Variants in AK9 observed in about 807,000 individuals in gnomAD.
AK9 encodes the protein adenylate kinase domain containing 1.
In AK9, 191 loss-of-function variants were observed where a neutral mutation model predicts 239.6. The observed-to-expected ratio is 0.80, with a 90% confidence interval of 0.71 to 0.90. AK9 has a LOEUF of 0.90. AK9 is among the 40% of genes least tolerant of loss of function. The pLI is 0.00. For missense variants in AK9, 1,995 were observed against 2,214.7 expected (o/e 0.90, Z 1.99); for synonymous variants, 689 against 721.0 (o/e 0.96, Z 0.71).
intron 7 of AK9, among the ~76,000 whole-genome samples, chr6:109,658,772 T>G (rs183531619): frequency 2.0e-5 from 3 of 152,272 alleles, no homozygotes; most frequent in Non-Finnish European, 4.4e-5. Context: ...ATTATTCAAA[T>G]GACTTTCACT....
chr6:109,547,899 G>C (rs1488053001), intron 25 of AK9, among the ~76,000 whole-genome samples: 3 of 135,490 alleles, frequency 2.2e-5, no homozygotes, highest in African/African-American at 8.7e-5. Flanking sequence ...GGGGAAAAAA[G>C]ACCTGAACAG....
chr6:109,528,087 A>G (rs2128129293), intron 29 of AK9: 1 of 174,836 alleles, frequency 5.7e-6, no homozygotes, highest in Admixed American at 5.6e-5. Context: ...ACTGGAGAGC[A>G]GTGAACAAAG....
chr6:109,524,478 C>T (rs1002097790), intron 29 of AK9, among the ~76,000 whole-genome samples: 3 of 152,030 alleles, frequency 2.0e-5, no homozygotes, highest in African/African-American at 7.2e-5. Context: ...TTAGTGAACT[C>T]CAAACTAAAT....
At chr6:109,559,928 T>C (rs1785531762) in intron 24 of AK9, among the ~76,000 whole-genome samples, 1 of 152,194 alleles carries the variant, frequency 6.6e-6, no homozygotes, top group Admixed American at 6.5e-5. Context: ...CCATTCCTGC[T>C]TCTCCACTTC....
At chr6:109,579,089 T>TAAAAG (rs3060792) in intron 20 of AK9, among the ~76,000 whole-genome samples, 87,935 of 151,462 alleles carry the variant, frequency 0.58, 27,170 homozygotes, top group South Asian at 0.84. Flanking sequence ...ACTCCAATCT[T>TAAAAG]AAACTGTTAC....
chr6:109,590,488 T>G (rs1201158934), intron 17 of AK9, among the ~76,000 whole-genome samples: 4 of 152,198 alleles, frequency 2.6e-5, no homozygotes, highest in African/African-American at 7.2e-5. Flanking sequence ...TCAATTTTGC[T>G]TATTTTTTCA....
rs116065536 is a variant in AK9, at chr6:109,519,405, A to G, written c.3634-2763T>C. On this transcript the variant is annotated intron_variant, in intron 29 of 40. Transcript: ENST00000424296. ...GAGAAATCTTCAAACTGCCTTCCACAGTGGCTCAGCTAATTTACATTCCCC... is the reference window on the plus strand; with the variant it reads ...GAGAAATCTTCAAACTGCCTTCCACGGTGGCTCAGCTAATTTACATTCCCC... 6.8e-3 allele frequency among the ~76,000 whole-genome samples: 1,043 copies of G among 152,320 alleles called. 13 individuals are homozygous for G. The highest frequency in any genetic ancestry group is 0.024 in the African/African-American group (1,009 of 41,566).
At chr6:109,530,463 A>G (rs1781081070) in intron 28 of AK9, among the ~76,000 whole-genome samples, 2 of 152,210 alleles carry the variant, frequency 1.3e-5, no homozygotes, top group African/African-American at 2.4e-5. Flanking sequence ...TTATAAAAAC[A>G]TATTTTTACC....
intron 20 of AK9, among the ~76,000 whole-genome samples, chr6:109,573,811 G>A (rs1787726879): frequency 6.6e-6 from 1 of 152,152 alleles, no homozygotes; most frequent in South Asian, 2.1e-4. Context: ...TTCTGTATGA[G>A]TACCAGACTA....
At chr6:109,604,365 A>T (rs1249426354) in intron 17 of AK9, among the ~76,000 whole-genome samples, 1 of 152,252 alleles carries the variant, frequency 6.6e-6, no homozygotes, top group Admixed American at 6.5e-5. Context: ...TTTAAATAAA[A>T]TATCATTTTT....
At chr6:109,497,027 C>T (rs574646532) in intron 38 of AK9, among the ~76,000 whole-genome samples, 3 of 152,234 alleles carry the variant, frequency 2.0e-5, no homozygotes, top group Admixed American at 6.5e-5. Flanking sequence ...GCCTTCACTC[C>T]GTCCCCTCTC....
intron 27 of AK9, among the ~76,000 whole-genome samples, chr6:109,534,121 A>G (rs1781639735): frequency 6.6e-6 from 1 of 151,890 alleles, no homozygotes; most frequent in Non-Finnish European, 1.5e-5. Context: ...ATTATATTCA[A>G]ATGGGATTGT....
intron 6 of AK9, among the ~76,000 whole-genome samples, chr6:109,661,253 C>T (rs1800375860): frequency 6.6e-6 from 1 of 152,196 alleles, no homozygotes. Flanking sequence ...ACTTTATTCA[C>T]TACATTAAGC....
intron 7 of AK9, among the ~76,000 whole-genome samples, chr6:109,657,996 CTGTTT>C (rs1407807146): frequency 2.0e-5 from 3 of 151,990 alleles, no homozygotes; most frequent in African/African-American, 7.3e-5. Flanking sequence ...ATTTTATAAC[CTGTTT>C]TAAGTATTAT....
At chr6:109,684,912 A>AAAG (rs1183838812) in intron 1 of AK9, among the ~76,000 whole-genome samples, 1 of 136,498 alleles carries the variant, frequency 7.3e-6, no homozygotes, top group Non-Finnish European at 1.6e-5. Flanking sequence ...AAAAAAAAAA[A>AAAG]GTAGGCAAAG....
chr6:109,494,651 C>T (rs1776852487), intron 39 of AK9: 1 of 152,214 alleles, frequency 6.6e-6, no homozygotes, highest in Non-Finnish European at 1.5e-5. Flanking sequence ...TGATGTTAAA[C>T]AAGACTGAAG....
At chr6:109,575,406 T>C (rs563271114) in intron 20 of AK9, among the ~76,000 whole-genome samples, 1 of 152,350 alleles carries the variant, frequency 6.6e-6, no homozygotes, top group East Asian at 1.9e-4. Flanking sequence ...ACTATGGTTT[T>C]GATTTGCATT....
intron 8 of AK9, among the ~76,000 whole-genome samples, chr6:109,647,593 T>C (rs1450039429): frequency 6.6e-6 from 1 of 152,076 alleles, no homozygotes; most frequent in African/African-American, 2.4e-5. Flanking sequence ...ATAAAGCAAG[T>C]CCTTAGTGAC....
intron 7 of AK9, among the ~76,000 whole-genome samples, chr6:109,658,636 G>A (rs1354264279): frequency 1.3e-5 from 2 of 151,976 alleles, no homozygotes; most frequent in African/African-American, 4.8e-5. Flanking sequence ...TGTTTATGTT[G>A]ATTGTAAGTT....
Sources: gnomAD v4.1 joint callset for allele counts (sites outside exome capture counted in the v4.1 genomes callset) on GRCh38, gnomAD v4.1.1 for gene constraint, MANE v1.5 for transcripts, NCBI Gene and HGNC (gene_info 2026-07-23, HGNC 2026-07-21) for gene names.